The following RBBP7 variants were observed in gnomAD, a reference collection of about 807,000 sequenced individuals.
RBBP7 encodes the protein RB binding protein 7, chromatin remodeling factor, also known as histone-binding protein RBBP7.
A neutral mutation model predicts 35.2 loss-of-function variants in RBBP7; 5 were observed. The ratio of observed to expected loss-of-function variants is 0.14; its 90% confidence interval spans 0.07 to 0.30. RBBP7 has a LOEUF of 0.30. Ranked by LOEUF, RBBP7 falls within the 10% of genes least tolerant of loss-of-function variation. The probability of loss-of-function intolerance (pLI) is 1.00; values close to 1 mark genes in which losing one functional copy is unlikely to be tolerated. For synonymous variants in RBBP7, 140 were observed against 118.7 expected (o/e 1.18, Z -1.17); for missense variants, 155 against 327.5 (o/e 0.47, Z 4.07).
chrX:16,849,176 C>T (rs985622114), intron 10 of RBBP7, 68 bp downstream of exon 10: 169 of 1,054,456 alleles, frequency 1.6e-4, no homozygotes, highest in Non-Finnish European at 2.1e-4. Flanking sequence ...GACCCATTCT[C>T]GAAATAAAGA....
At chrX:16,862,769 T>A (rs1349886662) in intron 3 of RBBP7, among the ~76,000 whole-genome samples, 186 bp downstream of exon 3, 1 of 112,109 alleles carries the variant, frequency 8.9e-6, no homozygotes, top group Non-Finnish European at 1.9e-5. Flanking sequence ...ACAAGGTTGA[T>A]CCTAATTTTT....
chrX:16,869,826 C>G, intron 1 of RBBP7: 3 of 895,201 alleles, frequency 3.4e-6, no homozygotes, highest in Non-Finnish European at 4.1e-6. Context: ...GGGCCCAGCC[C>G]TCGGCCCCGC....
intron 10 of RBBP7, 77 bp downstream of exon 10, chrX:16,849,167 A>T: frequency 1.0e-6 from 1 of 996,553 alleles, no homozygotes. Context: ...CGAAGTTCTG[A>T]CCCATTCTCG....
intron 4 of RBBP7, among the ~76,000 whole-genome samples, chrX:16,858,337 T>C (rs2147521805): frequency 8.9e-6 from 1 of 112,045 alleles, no homozygotes; most frequent in Non-Finnish European, 1.9e-5. Flanking sequence ...ATTTAGCACA[T>C]GTTCCTATGG....
At chrX:16,867,542 A>C (rs1390280236) in intron 2 of RBBP7, among the ~76,000 whole-genome samples, 3 of 111,545 alleles carry the variant, frequency 2.7e-5, no homozygotes, top group East Asian at 5.5e-4. Flanking sequence ...TACTCTTCCC[A>C]CATCTGTACA....
chrX:16,850,688 T>C (rs925156014), intron 9 of RBBP7, among the ~76,000 whole-genome samples: 8 of 112,462 alleles, frequency 7.1e-5, no homozygotes, highest in Non-Finnish European at 1.5e-4. Flanking sequence ...CTCTTCTATA[T>C]ACTGAGGATT....
intron 10 of RBBP7, 197 bp downstream of exon 10, chrX:16,849,044 AAAC>A (rs888926142): frequency 2.3e-5 from 8 of 352,195 alleles, no homozygotes; most frequent in African/African-American, 2.1e-4. Context: ...ATTCTCAGTG[AAAC>A]ATTCATAAAA....
At position 16,864,610 on chromosome X, in the gene RBBP7, G is replaced by C. The variant is rs963569161; in HGVS notation, c.162-1510C>G. Among the ~76,000 whole-genome samples the C allele has an allele frequency of 2.7e-5, 3 of 109,606 alleles. No individual in the cohort carries two copies. The East Asian group carries it at 8.6e-4, about 31-fold the overall frequency. The stretch of plus-strand genomic sequence containing the variant: ...CACAGTGGGCCAAGAATATGATGTG[G>C]CTATCAAAAAATTAATTAATTCCAT... On this transcript the variant is annotated intron_variant, in intron 2 of 11. Transcript: ENST00000380087.
chrX:16,860,803 A>G, intron 3 of RBBP7, among the ~76,000 whole-genome samples: 1 of 112,105 alleles, frequency 8.9e-6, no homozygotes, highest in African/African-American at 3.2e-5. Flanking sequence ...TATTAACATC[A>G]TTATGCAGAG....
intron 2 of RBBP7, among the ~76,000 whole-genome samples, chrX:16,865,462 G>A (rs909618994): frequency 9.0e-6 from 1 of 111,527 alleles, no homozygotes; most frequent in African/African-American, 3.3e-5. Flanking sequence ...ACGGACTGGA[G>A]GAGCTTAAAA....
intron 1 of RBBP7, chrX:16,869,742 G>A: frequency 1.0e-6 from 1 of 974,321 alleles, no homozygotes; most frequent in South Asian, 4.5e-5. Flanking sequence ...CTTCCCAGCG[G>A]CGGGGGCCGC....
intron 6 of RBBP7, 84 bp from the exon 7 acceptor site, chrX:16,852,959 A>T: frequency 8.5e-7 from 1 of 1,180,537 alleles, no homozygotes; most frequent in Non-Finnish European, 1.1e-6. Context: ...GCACTCCACA[A>T]CTAGCTCCAC....
At chrX:16,849,778 T>C (rs1249411847) in intron 9 of RBBP7, among the ~76,000 whole-genome samples, 1 of 112,331 alleles carries the variant, frequency 8.9e-6, no homozygotes, top group Admixed American at 9.5e-5. Flanking sequence ...AATCTACACA[T>C]AAACTGATGT....
chrX:16,857,247 A>G (rs1930373771), intron 5 of RBBP7, among the ~76,000 whole-genome samples: 1 of 111,999 alleles, frequency 8.9e-6, no homozygotes, highest in Non-Finnish European at 1.9e-5. Flanking sequence ...TTGTGAATAT[A>G]CTAAAACCCA....
intron 4 of RBBP7, 47 bp from the exon 5 acceptor site, chrX:16,857,756 T>C: frequency 8.5e-7 from 1 of 1,175,516 alleles, no homozygotes; most frequent in Non-Finnish European, 1.1e-6. Context: ...TTATCAGAAC[T>C]GGTGAGAATA....
rs1255601745 is a variant in RBBP7 at position 16,858,728 on chromosome X, T to C, written c.429A>G (p.Thr143=). 1 of 1,211,906 alleles carries C rather than the reference T, an allele frequency of 8.3e-7. No individual in the cohort carries two copies. Among genetic ancestry groups the C allele is most frequent in the Non-Finnish European group, 1.1e-6 (1 of 895,574 alleles). The change falls in exon 4 of 12, where the codon ACA becomes ACG. Residue 143 remains threonine (T), a synonymous_variant. Coordinates refer to ENST00000380087, the MANE Select transcript of RBBP7 (RefSeq NM_002893.4). ...PQNPHIIATK[T]PSSDVLVFDY... ...CAAAAACCAACACATCAGAAGATGGTGTTTTTGTAGCAATGATGTGAGGAT... is the reference window on the plus strand; with the variant it reads ...CAAAAACCAACACATCAGAAGATGGCGTTTTTGTAGCAATGATGTGAGGAT...
intron 6 of RBBP7, 125 bp from the exon 7 acceptor site, chrX:16,853,000 A>C: frequency 9.4e-7 from 1 of 1,067,665 alleles, no homozygotes; most frequent in Non-Finnish European, 1.3e-6. Context: ...GAAACCAACC[A>C]CACAGCTGGT....
At chrX:16,853,891 G>T in intron 5 of RBBP7, 49 bp from the exon 6 acceptor site, 1 of 933,284 alleles carries the variant, frequency 1.1e-6, no homozygotes. Flanking sequence ...ATAAGAGACT[G>T]ATTTTTTTTT....
chrX:16,852,715 T>G (rs764812881), intron 7 of RBBP7, 34 bp downstream of exon 7: 17 of 1,211,803 alleles, frequency 1.4e-5, no homozygotes, highest in Middle Eastern at 2.3e-4. Context: ...GAACTGGGTT[T>G]TATAAACACC....
Sources: allele counts gnomAD v4.1 joint callset (sites outside exome capture counted in the v4.1 genomes callset), GRCh38; gene constraint gnomAD v4.1.1; transcripts MANE v1.5; gene names NCBI Gene and HGNC (gene_info 2026-07-23, HGNC 2026-07-21).